Variants in TEAD2 observed in about 807,000 individuals in gnomAD.
TEAD2 encodes the protein TEA domain transcription factor 2.
TEAD2 carries 51 observed loss-of-function variants against 61.4 expected under a neutral mutation model. The observed-to-expected ratio is 0.83, with a 90% CI of 0.66 to 1.05. TEAD2 has a LOEUF of 1.05. Among genes scored for constraint, TEAD2 ranks in the 50% least tolerant of loss-of-function variants. The probability of loss-of-function intolerance (pLI) is 0.00; values close to 1 mark genes in which losing one functional copy is unlikely to be tolerated. For synonymous variants in TEAD2, 244 were observed against 243.2 expected (o/e 1.00, Z -0.03); for missense variants, 509 against 600.0 (o/e 0.85, Z 1.58).
Position 49,359,239 on chromosome 19 carries a change from A to G in TEAD2, c.297+196T>C. ...GGCAACAGAGCTAGACTCCATTTCA[A>G]AAAATAAACAAATACATAAATAACC... On this transcript the variant is annotated intron_variant, in intron 3 of 12. Transcript: ENST00000593945. This position sits in a 1 kb window ranked among gnomAD's most constrained non-coding sequence, Gnocchi z 4.1. 1.6e-6 allele frequency: 1 copy of G among 607,676 alleles called. No individual in the cohort carries two copies. The highest frequency in any genetic ancestry group is 2.9e-6 in the Non-Finnish European group (1 of 339,086). 37.6% of individuals were successfully genotyped at this position (607,676 alleles called of 1,614,324 possible).
chr19:49,361,097 G>A (rs1348393426), intron 1 of TEAD2, among the ~76,000 whole-genome samples: 1 of 132,428 alleles, frequency 7.6e-6, no homozygotes, highest in Non-Finnish European at 1.6e-5. Flanking sequence ...CAAAAAGAGA[G>A]GGAGACAGAG....
intron 1 of TEAD2, 61 bp downstream of exon 1, chr19:49,362,272 A>G (rs1973008943): frequency 6.6e-6 from 1 of 152,228 alleles, no homozygotes; most frequent in South Asian, 2.1e-4. Flanking sequence ...CCATTCAGAG[A>G]CGGTCCCGCA....
At chr19:49,351,174 T>C in intron 8 of TEAD2, 127 bp downstream of exon 8, 1 of 948,812 alleles carries the variant, frequency 1.1e-6, no homozygotes, top group Non-Finnish European at 1.6e-6. Flanking sequence ...GGAGACTCCA[T>C]CTCAAAACAA....
At chr19:49,348,946 T>TA (rs1971828188) in intron 8 of TEAD2, 101 bp from the exon 9 acceptor site, 1 of 1,394,702 alleles carries the variant, frequency 7.2e-7, no homozygotes, top group Non-Finnish European at 9.3e-7. Context: ...CTGAAAAAGC[T>TA]AAATACTCAC....
At chr19:49,349,061 T>G (rs1435914645) in intron 8 of TEAD2, 1 of 478,222 alleles carries the variant, frequency 2.1e-6, no homozygotes, top group African/African-American at 2.0e-5. Context: ...AGTTTCTTCC[T>G]GAATGAAAAA....
At chr19:49,347,470 T>TG in intron 9 of TEAD2, 107 bp from the exon 10 acceptor site, 1 of 1,324,496 alleles carries the variant, frequency 7.6e-7, no homozygotes, top group Non-Finnish European at 1.0e-6. Context: ...TCTGGCCAGC[T>TG]GTTCCACACA....
intron 7 of TEAD2, among the ~76,000 whole-genome samples, chr19:49,353,130 G>A (rs1014002219): frequency 4.0e-5 from 6 of 148,314 alleles, no homozygotes; most frequent in African/African-American, 7.5e-5. Flanking sequence ...ATAGAGTCTC[G>A]CTCTGTTGCC....
chr19:49,356,899 A>T (rs533355200), intron 4 of TEAD2, among the ~76,000 whole-genome samples: 40 of 151,096 alleles, frequency 2.6e-4, no homozygotes, highest in Non-Finnish European at 5.5e-4. Flanking sequence ...CCCCGCCCTG[A>T]CCACAGAGGT....
In TEAD2 at chr19:49,341,651, T is replaced by C. The variant is rs1256705617; in HGVS notation, c.1243-214A>G. Among the ~76,000 whole-genome samples the C allele has an allele frequency of 2.0e-5, 3 of 152,174 alleles. No individual in the cohort carries two copies. Among genetic ancestry groups the C allele is most frequent in the African/African-American group, 4.8e-5 (2 of 41,432 alleles). ...CCCCTCAGCTGAGCGTTGGCAGTTA[T>C]GGTGTATCACATCTCAGGGTTAATC... On this transcript the variant is annotated intron_variant, in intron 12 of 12. Transcript: ENST00000593945. The surrounding 1 kb of genome is among the most constrained non-coding windows in gnomAD (Gnocchi z 4.2).
Position 49,359,552 on chromosome 19 carries a change from C to T in TEAD2, c.233-53G>A. The T allele has an allele frequency of 6.3e-7, 1 of 1,588,696 alleles. No individual in the cohort carries two copies. Among genetic ancestry groups the T allele is most frequent in the Non-Finnish European group, 8.6e-7 (1 of 1,157,234 alleles). On this transcript the variant is annotated intron_variant, in intron 2 of 12. Coordinates refer to ENST00000593945, the MANE Select transcript of TEAD2 (RefSeq NM_001256660.2). This position sits in a 1 kb window ranked among gnomAD's most constrained non-coding sequence, Gnocchi z 4.1. The stretch of plus-strand genomic sequence containing the variant: ...AGTTAGACTTTCAACAGAACTTCCC[C>T]ACAGCATGGACACCAGGGAAGAAGA...
intron 7 of TEAD2, among the ~76,000 whole-genome samples, chr19:49,353,437 C>A (rs762325692): frequency 1.1e-4 from 16 of 152,126 alleles, no homozygotes; most frequent in Non-Finnish European, 2.2e-4. Flanking sequence ...TCCTACCCGG[C>A]CTTCAATGTT....
In TEAD2 at chr19:49,343,224, G is replaced by A. The variant is rs1276551082; in HGVS notation, c.1089+7C>T. ...GCTGACCCAGAGCTCCACCCCTCCA[G>A]CCTCACCTCCACCTTCTCCACCACC... is the stretch of plus-strand genomic sequence containing the variant. On this transcript the variant is annotated splice_region_variant and intron_variant, in intron 11 of 12. Coordinates refer to ENST00000593945, the MANE Select transcript of TEAD2 (RefSeq NM_001256660.2). The A allele has an allele frequency of 6.2e-7, 1 of 1,604,782 alleles. No homozygotes were observed. Among genetic ancestry groups the A allele is most frequent in the Non-Finnish European group, 8.5e-7 (1 of 1,175,232 alleles).
At chr19:49,357,420 G>T in intron 3 of TEAD2, 106 bp from the exon 4 acceptor site, 2 of 1,187,032 alleles carry the variant, frequency 1.7e-6, no homozygotes, top group South Asian at 1.3e-5. Flanking sequence ...GACCATGAAA[G>T]GTGAAAAACA....
At chr19:49,347,514 C>T (rs2146372339) in intron 9 of TEAD2, 151 bp from the exon 10 acceptor site, 6 of 819,384 alleles carry the variant, frequency 7.3e-6, no homozygotes, top group South Asian at 6.9e-5. Flanking sequence ...TGCCACCCAT[C>T]GTCCCCACTC....
intron 5 of TEAD2, 61 bp from the exon 6 acceptor site, chr19:49,355,480 G>T: frequency 2.1e-6 from 3 of 1,432,320 alleles, no homozygotes; most frequent in Non-Finnish European, 2.9e-6. Context: ...GCAAGAGGGG[G>T]ATGGTGCCAG....
At chr19:49,353,000 T>C (rs976154138) in intron 7 of TEAD2, among the ~76,000 whole-genome samples, 5 of 152,170 alleles carry the variant, frequency 3.3e-5, no homozygotes, top group African/African-American at 7.2e-5. Flanking sequence ...CAACAAATAC[T>C]GGACTGGCCT....
intron 10 of TEAD2, among the ~76,000 whole-genome samples, chr19:49,346,329 A>G (rs1293478810): frequency 6.6e-6 from 1 of 152,124 alleles, no homozygotes; most frequent in Non-Finnish European, 1.5e-5. Context: ...CCAGGCGTCT[A>G]TATAGGAAGT....
rs751806393 is a variant in TEAD2, at chr19:49,347,365, TGAG to T, written c.748-5_748-3del. 1.2e-6 allele frequency: 2 copies of T among 1,604,720 alleles called. No homozygotes were observed. Among genetic ancestry groups the T allele is most frequent in the Non-Finnish European group, 1.7e-6 (2 of 1,177,456 alleles). On this transcript the variant is annotated splice_polypyrimidine_tract_variant and splice_region_variant and intron_variant, in intron 9 of 12. Coordinates refer to ENST00000593945, the MANE Select transcript of TEAD2 (RefSeq NM_001256660.2). Reference sequence around the variant, plus strand: ...GTGCACGAACAGGTGCCTCTGGTACTGAGGAGGGTTGGCCGTGGGTGAGAAGTC... The same window carrying T: ...GTGCACGAACAGGTGCCTCTGGTACTGAGGGTTGGCCGTGGGTGAGAAGTC...
At chr19:49,345,213 C>T (rs1468926393) in intron 10 of TEAD2, among the ~76,000 whole-genome samples, 2 of 152,162 alleles carry the variant, frequency 1.3e-5, no homozygotes, top group African/African-American at 2.4e-5. Context: ...GCTCCAGAAC[C>T]GTGAACAGCA....
Sources: gnomAD v4.1 joint callset for allele counts (sites outside exome capture counted in the v4.1 genomes callset) on GRCh38, gnomAD v4.1.1 for gene constraint, Gnocchi (gnomAD v3.1) non-coding constraint, MANE v1.5 for transcripts, NCBI Gene and HGNC (gene_info 2026-07-23, HGNC 2026-07-21) for gene names.